The following CDH13 variants were observed in gnomAD, a reference collection of about 807,000 sequenced individuals.
CDH13 encodes the protein cadherin-13.
In CDH13, 24 loss-of-function variants were observed where a neutral mutation model predicts 63.8. That is an observed-to-expected ratio of 0.38 (90% confidence interval 0.27 to 0.53). The LOEUF (loss-of-function observed/expected upper bound fraction) is 0.53, where lower values mean the gene tolerates loss of function less well. Among genes scored for constraint, CDH13 ranks in the 20% least tolerant of loss-of-function variants. CDH13 has a pLI of 0.85. For synonymous variants in CDH13, 503 were observed against 355.3 expected, an observed-to-expected ratio of 1.42 and a Z score of -4.67; for missense variants, 1,049 against 903.1, an observed-to-expected ratio of 1.16 and a Z score of -2.07.
At chr16:83,452,402 G>A (rs2072909172) in intron 6 of CDH13, among the ~76,000 whole-genome samples, 1 of 152,128 alleles carries the variant, frequency 6.6e-6, no homozygotes, top group Non-Finnish European at 1.5e-5. Flanking sequence ...ACTAGGCTGT[G>A]AAAACAGAGA....
intron 1 of CDH13, among the ~76,000 whole-genome samples, chr16:82,792,192 G>A (rs1264607837): frequency 2.0e-5 from 3 of 152,092 alleles, no homozygotes; most frequent in Non-Finnish European, 4.4e-5. Context: ...GATAAGAGAT[G>A]ATTCTACCAC....
chr16:82,815,345 T>G (rs1316374513), intron 1 of CDH13, among the ~76,000 whole-genome samples: 1 of 152,108 alleles, frequency 6.6e-6, no homozygotes, highest in Non-Finnish European at 1.5e-5. Flanking sequence ...TGCCTCAGTT[T>G]CCTCACCTGC....
chr16:82,835,408 T>A (rs1479684463), intron 1 of CDH13, among the ~76,000 whole-genome samples: 1 of 152,214 alleles, frequency 6.6e-6, no homozygotes, highest in African/African-American at 2.4e-5. Context: ...ACTCCAAAGC[T>A]ACCCCAATTT....
intron 1 of CDH13, among the ~76,000 whole-genome samples, chr16:82,713,307 A>C (rs1048594237): frequency 2.0e-5 from 3 of 152,092 alleles, no homozygotes; most frequent in Non-Finnish European, 4.4e-5. Context: ...TTCTATACAC[A>C]CTGGTATCTA....
At chr16:83,577,262 C>G (rs1226798167) in intron 7 of CDH13, among the ~76,000 whole-genome samples, 2 of 152,166 alleles carry the variant, frequency 1.3e-5, no homozygotes, top group African/African-American at 2.4e-5. Context: ...CTGACCAAGT[C>G]CCCTTCATGA....
chr16:83,050,944 TTC>T (rs1225686868), intron 3 of CDH13, among the ~76,000 whole-genome samples: 1 of 152,124 alleles, frequency 6.6e-6, no homozygotes, highest in African/African-American at 2.4e-5. Flanking sequence ...TTCTTATCCT[TTC>T]TCTCTCTCCC....
In CDH13 at chr16:83,480,789, T is replaced by C. The variant is rs143630007; in HGVS notation, c.782-5688T>C. ...CCCCAAACCCATTCAAACTAAAGAATCTTCAATGGAAATTTAGTTTCCAAT... is the reference window on the plus strand; with the variant it reads ...CCCCAAACCCATTCAAACTAAAGAACCTTCAATGGAAATTTAGTTTCCAAT... On this transcript the variant is annotated intron_variant, in intron 6 of 13. Transcript: ENST00000567109. Among the ~76,000 whole-genome samples the C allele has an allele frequency of 3.2e-3, 490 of 152,272 alleles. 8 individuals are homozygous for C. Among genetic ancestry groups the C allele is most frequent in the African/African-American group, 0.011 (466 of 41,570 alleles).
intron 8 of CDH13, among the ~76,000 whole-genome samples, chr16:83,609,088 G>T (rs1439933244): frequency 6.6e-6 from 1 of 152,094 alleles, no homozygotes; most frequent in Non-Finnish European, 1.5e-5. Flanking sequence ...ACATTTTGAG[G>T]AATATCATCA....
At chr16:82,970,383 T>C (rs1224025493) in intron 2 of CDH13, among the ~76,000 whole-genome samples, 1 of 74,820 alleles carries the variant, frequency 1.3e-5, no homozygotes, top group Admixed American at 1.2e-4. Context: ...GTGCATATTC[T>C]TTTTTTTTTT....
At chr16:83,080,138 A>G (rs1030656927) in intron 3 of CDH13, among the ~76,000 whole-genome samples, 1 of 152,150 alleles carries the variant, frequency 6.6e-6, no homozygotes, top group Non-Finnish European at 1.5e-5. Context: ...AGAAGGGAGT[A>G]ACAAGTGATG....
intron 1 of CDH13, among the ~76,000 whole-genome samples, chr16:82,844,262 C>G (rs866294373): frequency 1.6e-4 from 24 of 152,072 alleles, no homozygotes; most frequent in Admixed American, 2.0e-4. Context: ...AGGCTGTGAA[C>G]TAAAGGATGT....
chr16:82,950,475 T>A (rs1905179123), intron 2 of CDH13, among the ~76,000 whole-genome samples: 1 of 152,134 alleles, frequency 6.6e-6, no homozygotes, highest in African/African-American at 2.4e-5. Flanking sequence ...CATACTGTTC[T>A]TGTGGTAGTG....
chr16:83,533,406 C>G (rs992871499), intron 7 of CDH13, among the ~76,000 whole-genome samples: 2 of 152,106 alleles, frequency 1.3e-5, no homozygotes, highest in African/African-American at 4.8e-5. Flanking sequence ...CTCCCACACT[C>G]TTCACCTCCT....
chr16:83,494,872 G>T (rs1221667779), intron 7 of CDH13, among the ~76,000 whole-genome samples: 3 of 152,144 alleles, frequency 2.0e-5, no homozygotes, highest in Admixed American at 2.0e-4. Context: ...TGAACACTTT[G>T]GGGTTCTAAA....
chr16:83,140,974 A>G (rs565114896), intron 4 of CDH13, among the ~76,000 whole-genome samples: 24 of 152,368 alleles, frequency 1.6e-4, no homozygotes, highest in East Asian at 9.6e-4. Context: ...ATTGCTAAAC[A>G]GACAATTTTC....
At chr16:83,100,465 G>T (rs907222443) in intron 3 of CDH13, among the ~76,000 whole-genome samples, 1 of 152,080 alleles carries the variant, frequency 6.6e-6, no homozygotes, top group Non-Finnish European at 1.5e-5. Context: ...ATGCAGCATT[G>T]GTTTAGAGAC....
At chr16:83,496,815 A>G (rs2074156669) in intron 7 of CDH13, among the ~76,000 whole-genome samples, 1 of 152,190 alleles carries the variant, frequency 6.6e-6, no homozygotes, top group African/African-American at 2.4e-5. Context: ...AATTTACAAG[A>G]AAAAAACAAA....
At chr16:82,903,023 C>T (rs1379577392) in intron 2 of CDH13, among the ~76,000 whole-genome samples, 1 of 152,176 alleles carries the variant, frequency 6.6e-6, no homozygotes, top group Non-Finnish European at 1.5e-5. Context: ...CTGTCTGACT[C>T]TTACATTATT....
chr16:83,193,683 C>T (rs1300447594), intron 4 of CDH13, among the ~76,000 whole-genome samples: 1 of 152,204 alleles, frequency 6.6e-6, no homozygotes, highest in African/African-American at 2.4e-5. Context: ...TACATCTGCT[C>T]TTCTAACTTA....
Sources: gnomAD v4.1 joint callset for allele counts (sites outside exome capture counted in the v4.1 genomes callset) on GRCh38, gnomAD v4.1.1 for gene constraint, MANE v1.5 for transcripts, NCBI Gene and HGNC (gene_info 2026-07-23, HGNC 2026-07-21) for gene names.